RASAL2: variants seen among roughly 807,000 people sequenced by gnomAD.
RASAL2 encodes ras GTPase-activating protein nGAP.
Under a neutral mutation model 128.9 loss-of-function variants are expected in RASAL2, and 58 were observed. The observed-to-expected ratio is 0.45, with a 90% CI of 0.36 to 0.56. The LOEUF is 0.56. Ranked by LOEUF, RASAL2 falls within the 20% of genes least tolerant of loss-of-function variation. The pLI is 0.00. For synonymous variants in RASAL2, 561 were observed against 580.8 expected, an observed-to-expected ratio of 0.97 and a Z score of 0.49; for missense variants, 1,360 against 1,601.6, an observed-to-expected ratio of 0.85 and a Z score of 2.57.
chr1:178,258,162 C>T (rs1665471041), intron 1 of RASAL2, among the ~76,000 whole-genome samples: 1 of 151,794 alleles, frequency 6.6e-6, no homozygotes, highest in South Asian at 2.1e-4. Flanking sequence ...GGCATGGTGG[C>T]ACGCACCTGT....
intron 1 of RASAL2, among the ~76,000 whole-genome samples, chr1:178,096,287 C>G (rs953867394): frequency 1.3e-5 from 2 of 152,144 alleles, no homozygotes; most frequent in Non-Finnish European, 2.9e-5. Context: ...TAGGGCCATG[C>G]TATTCTAAGA....
At chr1:178,375,584 A>AG (rs937654547) in intron 3 of RASAL2, among the ~76,000 whole-genome samples, 1 of 152,140 alleles carries the variant, frequency 6.6e-6, no homozygotes, top group African/African-American at 2.4e-5. Context: ...CTCCACAAGG[A>AG]GGGCTTAATC....
At chr1:178,349,450 C>G (rs1670343518) in intron 3 of RASAL2, among the ~76,000 whole-genome samples, 1 of 151,750 alleles carries the variant, frequency 6.6e-6, no homozygotes, top group African/African-American at 2.4e-5. Context: ...GTTCACCAGT[C>G]TATGTGTGCC....
intron 5 of RASAL2, among the ~76,000 whole-genome samples, chr1:178,437,533 T>A (rs1341601338): frequency 1.3e-5 from 2 of 152,112 alleles, no homozygotes; most frequent in African/African-American, 4.8e-5. Flanking sequence ...CTAGAGAATT[T>A]AAAAAATAAA....
At chr1:178,471,592 C>T (rs1365408207) in intron 17 of RASAL2, among the ~76,000 whole-genome samples, 1 of 152,030 alleles carries the variant, frequency 6.6e-6, no homozygotes, top group Admixed American at 6.6e-5. Flanking sequence ...ATGATAATGA[C>T]AAGCAAGAGC....
intron 17 of RASAL2, among the ~76,000 whole-genome samples, chr1:178,467,951 T>C (rs1647905600): frequency 6.6e-6 from 1 of 152,240 alleles, no homozygotes; most frequent in Admixed American, 6.5e-5. Flanking sequence ...TTGGCTGCTC[T>C]TCTTTGTTGG....
chr1:178,272,656 C>T (rs527694984), intron 1 of RASAL2, among the ~76,000 whole-genome samples: 24 of 152,244 alleles, frequency 1.6e-4, no homozygotes, highest in African/African-American at 4.6e-4. Flanking sequence ...TGGCCAGGCA[C>T]GGTTGCTTAG....
intron 4 of RASAL2, among the ~76,000 whole-genome samples, chr1:178,414,074 A>G (rs1674590243): frequency 6.6e-6 from 1 of 152,228 alleles, no homozygotes; most frequent in African/African-American, 2.4e-5. Flanking sequence ...CTGCAGTATG[A>G]TTCCAACCAC....
intron 4 of RASAL2, chr1:178,412,055 T>G: frequency 3.1e-6 from 1 of 319,090 alleles, no homozygotes. Flanking sequence ...TAAATTGCCA[T>G]CATGTGAAAA....
At chr1:178,397,750 C>T (rs991125523) in intron 4 of RASAL2, among the ~76,000 whole-genome samples, 3 of 151,480 alleles carry the variant, frequency 2.0e-5, no homozygotes, top group Admixed American at 1.3e-4. Context: ...GAACCACAAG[C>T]GCATGGCACT....
intron 2 of RASAL2, among the ~76,000 whole-genome samples, chr1:178,288,058 T>A (rs1433280704): frequency 2.6e-5 from 4 of 152,182 alleles, no homozygotes; most frequent in African/African-American, 7.2e-5. Flanking sequence ...ACAATTCAGT[T>A]AAGTATGTTC....
intron 3 of RASAL2, among the ~76,000 whole-genome samples, chr1:178,335,392 G>C (rs1190157395): frequency 6.6e-6 from 1 of 152,100 alleles, no homozygotes; most frequent in African/African-American, 2.4e-5. Flanking sequence ...AAAAATAGAG[G>C]AGGAAAATAA....
intron 3 of RASAL2, among the ~76,000 whole-genome samples, chr1:178,356,836 C>G (rs984431713): frequency 6.6e-6 from 1 of 152,016 alleles, no homozygotes; most frequent in African/African-American, 2.4e-5. Flanking sequence ...ATGTTTTATG[C>G]TATTCTCTGT....
chr1:178,387,010 C>T (rs375933255), intron 3 of RASAL2, among the ~76,000 whole-genome samples: 206 of 152,310 alleles, frequency 1.4e-3, no homozygotes, highest in African/African-American at 4.8e-3. Context: ...GCTCATTCCG[C>T]TCTTGCTAAT....
chr1:178,450,467 G>A (rs1291789394), intron 9 of RASAL2, among the ~76,000 whole-genome samples: 1 of 152,036 alleles, frequency 6.6e-6, no homozygotes, highest in Non-Finnish European at 1.5e-5. Context: ...TGTTCTCTAA[G>A]CATTTTTCCT....
intron 1 of RASAL2, among the ~76,000 whole-genome samples, chr1:178,235,583 C>G (rs1197083785): frequency 1.3e-5 from 2 of 151,772 alleles, no homozygotes; most frequent in Non-Finnish European, 2.9e-5. Context: ...CCGCTATCTC[C>G]TAAGTGCTTC....
intron 1 of RASAL2, among the ~76,000 whole-genome samples, chr1:178,239,947 A>G (rs951373861): frequency 2.0e-5 from 3 of 152,044 alleles, no homozygotes; most frequent in Non-Finnish European, 4.4e-5. Context: ...ATTTTTATTT[A>G]AAATTTTTAT....
chr1:178,177,824 G>A (rs1661946845), intron 1 of RASAL2, among the ~76,000 whole-genome samples: 1 of 152,124 alleles, frequency 6.6e-6, no homozygotes, highest in Non-Finnish European at 1.5e-5. Context: ...TAACTTAAAT[G>A]ACTATAGAAC....
intron 5 of RASAL2, among the ~76,000 whole-genome samples, chr1:178,433,356 TG>T (rs1179721620): frequency 6.6e-6 from 1 of 152,138 alleles, no homozygotes; most frequent in Admixed American, 6.5e-5. Context: ...GAGCCTTTTT[TG>T]GCATCCTTTT....
Sources: gnomAD v4.1 joint callset for allele counts (sites outside exome capture counted in the v4.1 genomes callset) on GRCh38, gnomAD v4.1.1 for gene constraint, MANE v1.5 for transcripts, NCBI Gene and HGNC (gene_info 2026-07-23, HGNC 2026-07-21) for gene names.